The following KMT2C variants were observed in gnomAD, a reference collection of about 807,000 sequenced individuals.
The protein encoded by KMT2C is lysine methyltransferase 2C.
Under a neutral mutation model 507.9 loss-of-function variants are expected in KMT2C, and 88 were observed. That is an observed-to-expected ratio of 0.17 (90% CI 0.15 to 0.21). The LOEUF is 0.21. Ranked by LOEUF, KMT2C falls within the 10% of genes least tolerant of loss-of-function variation. The probability of loss-of-function intolerance (pLI) is 1.00; values close to 1 mark genes in which losing one functional copy is unlikely to be tolerated. For missense variants in KMT2C, 4,954 were observed against 5,957.8 expected, an observed-to-expected ratio of 0.83 and a Z score of 5.55; for synonymous variants, 2,049 against 2,080.8, an observed-to-expected ratio of 0.98 and a Z score of 0.42.
intron 1 of KMT2C, among the ~76,000 whole-genome samples, chr7:152,427,997 G>A (rs990237200): frequency 1.3e-5 from 2 of 152,022 alleles, no homozygotes; most frequent in African/African-American, 4.8e-5. Context: ...CTGCCTCCAG[G>A]TAACTCCTGT....
intron 3 of KMT2C, among the ~76,000 whole-genome samples, chr7:152,327,044 C>T (rs1402126077): frequency 2.0e-5 from 3 of 152,282 alleles, no homozygotes; most frequent in African/African-American, 2.4e-5. Flanking sequence ...TCTCAGTGTA[C>T]ATTCACTCTG....
At chr7:152,213,821 A>G (rs1488714288) in intron 23 of KMT2C, among the ~76,000 whole-genome samples, 1 of 152,056 alleles carries the variant, frequency 6.6e-6, no homozygotes, top group Non-Finnish European at 1.5e-5. Flanking sequence ...CAAACCACAC[A>G]TCTGATAAGG....
At chr7:152,184,878 T>C (rs961240718) in intron 34 of KMT2C, among the ~76,000 whole-genome samples, 9 of 152,148 alleles carry the variant, frequency 5.9e-5, no homozygotes, top group African/African-American at 2.2e-4. Context: ...CTCAAGTCTC[T>C]CAAGTAGCTG....
At chr7:152,182,763 T>A (rs1461246381) in intron 35 of KMT2C, among the ~76,000 whole-genome samples, 169 bp from the exon 36 acceptor site, 1 of 152,236 alleles carries the variant, frequency 6.6e-6, no homozygotes, top group Non-Finnish European at 1.5e-5. Context: ...TCATGGTATG[T>A]TCCATTTGTG....
chr7:152,187,216 C>A (rs201493299), intron 33 of KMT2C, 46 bp downstream of exon 33: 2 of 1,476,130 alleles, frequency 1.4e-6, no homozygotes, highest in African/African-American at 1.4e-5. Flanking sequence ...AGGTATTGCA[C>A]ATGTGAAAAT....
chr7:152,146,700 C>T lies in KMT2C; in HGVS notation c.13930G>A (p.Val4644Met), dbSNP rs768289171. 1.9e-6 allele frequency: 3 copies of T among 1,613,928 alleles called. No individual in the cohort carries two copies. The highest frequency in any genetic ancestry group is 2.7e-5 in the African/African-American group (2 of 74,924). Residue 4644 changes from valine to methionine, a missense_variant, in exon 53 of 59, where the codon GTG (valine) becomes ATG (methionine). Coordinates refer to ENST00000262189, the MANE Select transcript of KMT2C (RefSeq NM_170606.3). ...WDKILEPVACVRKKSEMLQLF... is the reference protein window; with the variant it reads ...WDKILEPVACMRKKSEMLQLF... ...TGGAGCATTTCAGACTTTTTTCTCA[C>T]ACATGCCACAGGCTCCAAAATCTTA...
At chr7:152,230,436 A>C (rs1390504778) in intron 16 of KMT2C, 115 bp from the exon 17 acceptor site, 2 of 503,118 alleles carry the variant, frequency 4.0e-6, no homozygotes, top group Admixed American at 7.8e-5. Flanking sequence ...AAGGTCTAGA[A>C]TAACAATTCC....
chr7:152,374,325 T>C (rs1432633033), intron 1 of KMT2C, among the ~76,000 whole-genome samples: 1 of 122,402 alleles, frequency 8.2e-6, no homozygotes, highest in African/African-American at 5.1e-5. Flanking sequence ...CAAAAAATAG[T>C]AATAATAATA....
At chr7:152,266,541 A>G (rs2095860735) in intron 7 of KMT2C, among the ~76,000 whole-genome samples, 1 of 152,068 alleles carries the variant, frequency 6.6e-6, no homozygotes, top group African/African-American at 2.4e-5. Flanking sequence ...TACCACACTC[A>G]GCCTTTTTTC....
chr7:152,388,659 T>C (rs893504635), intron 1 of KMT2C, among the ~76,000 whole-genome samples: 1 of 152,310 alleles, frequency 6.6e-6, no homozygotes, highest in African/African-American at 2.4e-5. Flanking sequence ...GAAGAATACC[T>C]GGGATTGTAT....
chr7:152,387,658 A>T lies in KMT2C; in HGVS notation c.162-28983T>A, dbSNP rs1371180260. Among the ~76,000 whole-genome samples the T allele has an allele frequency of 2.6e-5, 4 of 152,196 alleles. No individual in the cohort carries two copies. In the South Asian group the frequency reaches 8.3e-4, roughly 31 times the overall value. On this transcript the variant is annotated intron_variant, in intron 1 of 58. Coordinates refer to ENST00000262189, the MANE Select transcript of KMT2C (RefSeq NM_170606.3). ...GCTAATTTTTTGTATTTTTTAGTAG[A>T]GACCGGGTTTCACCGTGTTAGCCAG... is the stretch of plus-strand genomic sequence containing the variant.
intron 1 of KMT2C, among the ~76,000 whole-genome samples, chr7:152,428,259 T>G (rs1452075046): frequency 6.6e-6 from 1 of 151,990 alleles, no homozygotes; most frequent in Non-Finnish European, 1.5e-5. Context: ...CTACAAAGTA[T>G]AGGCGCAAAT....
At chr7:152,255,718 C>T (rs2095650027) in intron 9 of KMT2C, among the ~76,000 whole-genome samples, 2 of 152,106 alleles carry the variant, frequency 1.3e-5, no homozygotes, top group African/African-American at 2.4e-5. Flanking sequence ...TAAGTTCAAT[C>T]AAATCTAACA....
chr7:152,263,965 T>C (rs7781593), intron 8 of KMT2C, among the ~76,000 whole-genome samples: 2 of 152,124 alleles, frequency 1.3e-5, no homozygotes. Context: ...GATAAATAGA[T>C]GTCAACAGGA....
At chr7:152,414,693 A>C (rs76712062) in intron 1 of KMT2C, among the ~76,000 whole-genome samples, 2 of 151,486 alleles carry the variant, frequency 1.3e-5, no homozygotes, top group Non-Finnish European at 2.9e-5. Flanking sequence ...AAGAGGTTTC[A>C]CCATGTTGGT....
rs553491347 is a variant in KMT2C, at chr7:152,281,747, A to C, written c.850-7880T>G. ...ACTCCATCTCAAAAACAAAAACAAA[A>C]AAAAAAAGAAATTACTTTATTCCCA... On this transcript the variant is annotated intron_variant, in intron 6 of 58. Transcript: ENST00000262189. 1.1e-4 allele frequency among the ~76,000 whole-genome samples: 16 copies of C among 151,976 alleles called. 1 individual carries two copies. The East Asian group carries it at 1.7e-3, about 17-fold the overall frequency.
chr7:152,358,651 T>G lies in KMT2C; in HGVS notation c.186A>C (p.Ala62=), dbSNP rs2097171542. Residue 62 remains alanine (A), a synonymous_variant, in exon 2 of 59, where the codon GCA becomes GCC. Coordinates refer to ENST00000262189, the MANE Select transcript of KMT2C (RefSeq NM_170606.3). ...RKKPRSRGKT[A]VEDEDSMDGL... is the part of the protein sequence containing the mutation. ...CATCCATGCTGTCCTCATCTTCCAC[T>G]GCAGTTTTCCCCCTACTTCGAGGTC... 3 of 1,608,374 alleles carry G rather than the reference T, an allele frequency of 1.9e-6. No individual in the cohort carries two copies. Among genetic ancestry groups the G allele is most frequent in the Non-Finnish European group, 2.5e-6 (3 of 1,176,742 alleles).
At chr7:152,315,606 A>G (rs1444532783) in intron 3 of KMT2C, among the ~76,000 whole-genome samples, 1 of 152,142 alleles carries the variant, frequency 6.6e-6, no homozygotes, top group Non-Finnish European at 1.5e-5. Flanking sequence ...TAGAAAAGTT[A>G]TTTTCTTTTA....
intron 2 of KMT2C, among the ~76,000 whole-genome samples, chr7:152,353,317 C>T (rs2097128312): frequency 1.3e-5 from 2 of 152,090 alleles, no homozygotes; most frequent in African/African-American, 4.8e-5. Context: ...CCCAGCTACT[C>T]GGGAGGCTGA....
Sources: gnomAD v4.1 joint callset for allele counts (sites outside exome capture counted in the v4.1 genomes callset) on GRCh38, gnomAD v4.1.1 for gene constraint, MANE v1.5 for transcripts, NCBI Gene and HGNC (gene_info 2026-07-23, HGNC 2026-07-21) for gene names.